Variants in DST observed in about 807,000 individuals in gnomAD.
The protein encoded by DST is bullous pemphigoid antigen.
In DST, 253 loss-of-function variants were observed where a neutral mutation model predicts 875.2. The observed-to-expected ratio is 0.29, with a 90% CI of 0.26 to 0.32. DST has a LOEUF of 0.32. Among genes scored for constraint, DST ranks in the 10% least tolerant of loss-of-function variants. The pLI is 1.00. For synonymous variants in DST, 3,124 were observed against 3,197.1 expected (o/e 0.98, Z 0.77); for missense variants, 8,287 against 9,111.6 (o/e 0.91, Z 3.68).
rs1270821059 is a variant in DST, at chr6:56,605,435, G to C, written c.9193C>G (p.Leu3065Val). 2 of 1,612,702 alleles carry C rather than the reference G, an allele frequency of 1.2e-6. No individual in the cohort carries two copies. The highest frequency in any genetic ancestry group is 1.7e-6 in the Non-Finnish European group (2 of 1,179,214). Residue 3065 changes from leucine to valine, a missense_variant, in exon 40 of 104, where the codon CTA (leucine) becomes GTA (valine). Physicochemically the swap from Leu to Val is conservative, Grantham distance 32 (BLOSUM62 1). Coordinates refer to ENST00000680361, the MANE Select transcript of DST (RefSeq NM_001374736.1). ...LGEGEVLVEGLVEEENRHLKL... is the reference protein window; with the variant it reads ...LGEGEVLVEGVVEEENRHLKL... ...AGATGCCTATTTTCTTCTTCTACTA[G>C]ACCTTCTACAAGCACTTCTCCTTCA...
Position 56,532,423 on chromosome 6 carries a change from C to T in DST, c.17029G>A (p.Ala5677Thr), listed in dbSNP as rs773291374. ...TGTTTCAAAATCTTCACTTTATCTGCGGGCTCTGCTGTTGTAGCAATTTTT... is the reference window on the plus strand; with the variant it reads ...TGTTTCAAAATCTTCACTTTATCTGTGGGCTCTGCTGTTGTAGCAATTTTT... ...GEKIATTAEP[A>T]DKVKILKQLS... The change falls in exon 64 of 104, where the codon GCA (alanine) becomes ACA (threonine). Residue 5677 changes from alanine to threonine, a missense_variant. By Grantham distance (58) the Ala-to-Thr change is moderately conservative (BLOSUM62 0). Transcript: ENST00000680361. The T allele has an allele frequency of 6.8e-6, 11 of 1,613,402 alleles. No homozygotes were observed. The highest frequency in any genetic ancestry group is 4.5e-5 in the East Asian group (2 of 44,850).
At chr6:56,931,448 C>T (rs1810165517) in intron 2 of DST, among the ~76,000 whole-genome samples, 1 of 152,208 alleles carries the variant, frequency 6.6e-6, no homozygotes, top group African/African-American at 2.4e-5. Context: ...AGAGCCCCCA[C>T]ATAGAGTCCC....
intron 102 of DST, among the ~76,000 whole-genome samples, chr6:56,462,416 A>C (rs535208703): frequency 6.6e-6 from 1 of 152,260 alleles, no homozygotes; most frequent in African/African-American, 2.4e-5. Context: ...AAAATCTTTA[A>C]AAAAAACCCA....
At chr6:56,675,711 G>A (rs1325836704) in intron 9 of DST, among the ~76,000 whole-genome samples, 1 of 152,048 alleles carries the variant, frequency 6.6e-6, no homozygotes, top group East Asian at 1.9e-4. Flanking sequence ...CATTAGCTGG[G>A]CATGGTGGCA....
chr6:56,643,639 G>A (rs1260782322), intron 15 of DST, among the ~76,000 whole-genome samples: 1 of 152,176 alleles, frequency 6.6e-6, no homozygotes, highest in African/African-American at 2.4e-5. Flanking sequence ...TTCGCATGAA[G>A]AAACATGAAG....
intron 3 of DST, among the ~76,000 whole-genome samples, chr6:56,887,470 A>G (rs997371572): frequency 2.6e-5 from 4 of 152,188 alleles, no homozygotes; most frequent in Non-Finnish European, 4.4e-5. Context: ...ATCTTACCAG[A>G]GCAATTTAAG....
At chr6:56,781,620 A>G (rs894605566) in intron 4 of DST, among the ~76,000 whole-genome samples, 5 of 152,148 alleles carry the variant, frequency 3.3e-5, no homozygotes, top group Non-Finnish European at 7.4e-5. Context: ...AGGAGATTTT[A>G]GGCTGAGACA....
intron 47 of DST, 73 bp downstream of exon 47, chr6:56,597,667 T>A: frequency 6.8e-7 from 1 of 1,466,978 alleles, no homozygotes; most frequent in Non-Finnish European, 9.2e-7. Flanking sequence ...AAAGAACTCA[T>A]GTGCTAGGTT....
At chr6:56,623,018 C>A (rs1412062728) in intron 36 of DST, among the ~76,000 whole-genome samples, 1 of 152,132 alleles carries the variant, frequency 6.6e-6, no homozygotes, top group Non-Finnish European at 1.5e-5. Context: ...GTATCTTTTA[C>A]ACGACATTCC....
intron 3 of DST, chr6:56,871,442 C>CA: frequency 6.3e-7 from 1 of 1,596,448 alleles, no homozygotes; most frequent in South Asian, 1.1e-5. Flanking sequence ...GTCGGTGGCC[C>CA]AAAAAGAGTG....
chr6:56,790,241 A>G (rs1373814515), intron 4 of DST, among the ~76,000 whole-genome samples: 1 of 152,166 alleles, frequency 6.6e-6, no homozygotes, highest in East Asian at 1.9e-4. Flanking sequence ...TCTCATTTAT[A>G]TAGTTACTAT....
intron 26 of DST, 101 bp from the exon 27 acceptor site, chr6:56,634,359 G>C: frequency 6.2e-7 from 1 of 1,607,372 alleles, no homozygotes. Flanking sequence ...ATGAGTTCTA[G>C]AGACTTTTGA....
chr6:56,517,448 T>C, intron 70 of DST, 53 bp downstream of exon 70: 14 of 1,602,900 alleles, frequency 8.7e-6, no homozygotes, highest in Non-Finnish European at 1.0e-5. Flanking sequence ...TTTTATAGAG[T>C]TGGAGCACAC....
At chr6:56,908,037 C>A (rs1797168760) in intron 2 of DST, among the ~76,000 whole-genome samples, 1 of 150,804 alleles carries the variant, frequency 6.6e-6, no homozygotes, top group South Asian at 2.1e-4. Flanking sequence ...CCACTGCACT[C>A]CAGCCTGGGA....
chr6:56,660,064 G>A (rs2152810877), intron 10 of DST, among the ~76,000 whole-genome samples: 1 of 152,348 alleles, frequency 6.6e-6, no homozygotes. Flanking sequence ...TTAACACTGA[G>A]AAAAGGTGGT....
Position 56,905,222 on chromosome 6 carries a change from T to C in DST, c.217-4601A>G, listed in dbSNP as rs570016946. On this transcript the variant is annotated intron_variant, in intron 2 of 103. Coordinates refer to ENST00000680361, the MANE Select transcript of DST (RefSeq NM_001374736.1). ...ATTTCCCAAGATGTGCACTCGTGTG[T>C]GTGTGTGTGTGTTTGTGTGGTGTGT... 2.0e-5 allele frequency among the ~76,000 whole-genome samples: 3 copies of C among 152,280 alleles called. No individual in the cohort carries two copies. The South Asian group carries it at 6.2e-4, about 32-fold the overall frequency.
chr6:56,513,591 C>T (rs954251344), intron 72 of DST, among the ~76,000 whole-genome samples: 6 of 150,252 alleles, frequency 4.0e-5, no homozygotes, highest in African/African-American at 7.4e-5. Flanking sequence ...CTCAAACTCC[C>T]GACCTCAGGT....
At chr6:56,466,674 T>A (rs1582134931) in intron 98 of DST, 1 of 152,262 alleles carries the variant, frequency 6.6e-6, no homozygotes, top group South Asian at 2.1e-4. Flanking sequence ...GAAATCTTTA[T>A]AAACTCATTT....
At chr6:56,514,235 C>T (rs4329120) in intron 72 of DST, among the ~76,000 whole-genome samples, 102,219 of 152,078 alleles carry the variant, frequency 0.67, 34,656 homozygotes, top group Non-Finnish European at 0.71. Flanking sequence ...AAACATTTTT[C>T]ATTTAAAATA....
Sources: gnomAD v4.1 joint callset for allele counts (sites outside exome capture counted in the v4.1 genomes callset) on GRCh38, gnomAD v4.1.1 for gene constraint, MANE v1.5 for transcripts, NCBI Gene and HGNC (gene_info 2026-07-23, HGNC 2026-07-21) for gene names.